Variants in ADAM23 observed in about 807,000 individuals in gnomAD.
The protein encoded by ADAM23 is disintegrin and metalloproteinase domain-containing protein 23.
In ADAM23, 33 loss-of-function variants were observed where a neutral mutation model predicts 120.1. The observed-to-expected ratio is 0.27, with a 90% CI of 0.21 to 0.37. The LOEUF (loss-of-function observed/expected upper bound fraction) is 0.37, where lower values mean the gene tolerates loss of function less well. Ranked by LOEUF, ADAM23 falls within the 10% of genes least tolerant of loss-of-function variation. ADAM23 has a pLI of 1.00. For synonymous variants in ADAM23, 367 were observed against 375.2 expected (o/e 0.98, Z 0.25); for missense variants, 862 against 1,058.2 (o/e 0.81, Z 2.57).
At chr2:206,478,507 T>TATGATGATGATGATG (rs58463126) in intron 2 of ADAM23, among the ~76,000 whole-genome samples, 1 of 150,416 alleles carries the variant, frequency 6.6e-6, no homozygotes, top group Non-Finnish European at 1.5e-5. Flanking sequence ...ATCATAATGA[T>TATGATGATGATGATG]ATGATGATGA....
chr2:206,487,514 T>C (rs1439464462), intron 3 of ADAM23, among the ~76,000 whole-genome samples: 1 of 152,174 alleles, frequency 6.6e-6, no homozygotes, highest in Non-Finnish European at 1.5e-5. Flanking sequence ...TTGGTACTTG[T>C]CCAGTTTTCC....
rs56206262 is a variant in ADAM23 at position 206,530,669 on chromosome 2, CTTTTT to C, written c.510-198_510-194del. Among the ~76,000 whole-genome samples, 18 of 74,812 alleles carry C rather than the reference CTTTTT, an allele frequency of 2.4e-4. No homozygotes were observed. The South Asian group carries it at 6.3e-3, about 26-fold the overall frequency. The allele number at this position is 74,812 out of a possible 152,430, so 49.1% of individuals were successfully genotyped here. ...CACCGTTGGATTGTCTGTGTCTTGT[CTTTTT>C]TTTTTTTTTTTTTTTTTCTGCAGAT... On this transcript the variant is annotated intron_variant, in intron 3 of 25. Coordinates refer to ENST00000264377, the MANE Select transcript of ADAM23 (RefSeq NM_003812.4).
intron 2 of ADAM23, among the ~76,000 whole-genome samples, chr2:206,469,907 A>G (rs1695618550): frequency 6.6e-6 from 1 of 152,228 alleles, no homozygotes; most frequent in Non-Finnish European, 1.5e-5. Context: ...TTGCTCAAAT[A>G]TCAGCTTTTC....
chr2:206,474,756 A>G (rs1240778360), intron 2 of ADAM23, among the ~76,000 whole-genome samples: 1 of 151,808 alleles, frequency 6.6e-6, no homozygotes, highest in Non-Finnish European at 1.5e-5. Context: ...TGTATTTTTC[A>G]TAGAGGCAGG....
intron 2 of ADAM23, among the ~76,000 whole-genome samples, chr2:206,455,997 G>A (rs1274708104): frequency 1.3e-5 from 2 of 152,086 alleles, no homozygotes; most frequent in Non-Finnish European, 2.9e-5. Context: ...CAGTTCCAAA[G>A]GCGCTTCCAC....
chr2:206,610,099 TGTCA>T, intron 25 of ADAM23, 99 bp downstream of exon 25: 4 of 1,105,886 alleles, frequency 3.6e-6, no homozygotes, highest in East Asian at 6.3e-5. Context: ...GCTTAGGTTC[TGTCA>T]GTCAAACTGC....
intron 3 of ADAM23, among the ~76,000 whole-genome samples, chr2:206,487,389 GA>G (rs1018476173): frequency 7.9e-5 from 12 of 151,218 alleles, no homozygotes; most frequent in East Asian, 1.9e-4. Context: ...GTCGGCTGAA[GA>G]AAAAAAAATG....
At chr2:206,499,087 ATGATT>A (rs1446844409) in intron 3 of ADAM23, among the ~76,000 whole-genome samples, 1 of 151,928 alleles carries the variant, frequency 6.6e-6, no homozygotes, top group African/African-American at 2.4e-5. Flanking sequence ...AGTCAGTGTG[ATGATT>A]CCTCAGGGAT....
rs540017139 is a variant in ADAM23, at chr2:206,486,418, A to G, written c.509+5110A>G. On this transcript the variant is annotated intron_variant, in intron 3 of 25. Coordinates refer to ENST00000264377, the MANE Select transcript of ADAM23 (RefSeq NM_003812.4). ...TTATTATCCACTTTATTGAGGTATGATTGATGTTAGAGCAACAATTCTTAA... is the reference window on the plus strand; with the variant it reads ...TTATTATCCACTTTATTGAGGTATGGTTGATGTTAGAGCAACAATTCTTAA... Among the ~76,000 whole-genome samples the G allele has an allele frequency of 2.7e-5, 4 of 150,922 alleles. No homozygotes were observed. The East Asian group carries it at 5.9e-4, about 22-fold the overall frequency.
At chr2:206,520,076 A>G (rs1696813148) in intron 3 of ADAM23, among the ~76,000 whole-genome samples, 1 of 152,172 alleles carries the variant, frequency 6.6e-6, no homozygotes, top group South Asian at 2.1e-4. Context: ...TGTTATATGT[A>G]TGAAGGGTAC....
intron 24 of ADAM23, among the ~76,000 whole-genome samples, chr2:206,604,207 A>G (rs1171699863): frequency 6.6e-6 from 1 of 152,200 alleles, no homozygotes; most frequent in African/African-American, 2.4e-5. Context: ...CAGAGGTTGC[A>G]GTGAGCTGAG....
intron 3 of ADAM23, among the ~76,000 whole-genome samples, chr2:206,502,332 G>T (rs1696404928): frequency 6.6e-6 from 1 of 152,018 alleles, no homozygotes; most frequent in African/African-American, 2.4e-5. Flanking sequence ...TTACCTATGA[G>T]CCAGCAGAAA....
intron 2 of ADAM23, among the ~76,000 whole-genome samples, chr2:206,452,343 C>T (rs1695212912): frequency 1.3e-5 from 2 of 152,224 alleles, no homozygotes; most frequent in Non-Finnish European, 2.9e-5. Context: ...TACAGCTGAG[C>T]TGTGCTGTTG....
intron 2 of ADAM23, among the ~76,000 whole-genome samples, chr2:206,459,346 A>G (rs1266348703): frequency 6.6e-6 from 1 of 152,210 alleles, no homozygotes; most frequent in East Asian, 1.9e-4. Flanking sequence ...AACTATAACT[A>G]TATCCTTATT....
intron 18 of ADAM23, among the ~76,000 whole-genome samples, chr2:206,581,629 T>A (rs1444385968): frequency 6.6e-6 from 1 of 152,224 alleles, no homozygotes; most frequent in African/African-American, 2.4e-5. Context: ...GAGGCTTGTT[T>A]TATGGCCTAT....
chr2:206,527,358 T>G (rs1322878825), intron 3 of ADAM23, among the ~76,000 whole-genome samples: 1 of 152,176 alleles, frequency 6.6e-6, no homozygotes, highest in East Asian at 1.9e-4. Flanking sequence ...TGTGGAGACA[T>G]AGATTACCGG....
intron 3 of ADAM23, among the ~76,000 whole-genome samples, chr2:206,485,577 G>GTTCC (rs2105881329): frequency 6.6e-6 from 1 of 151,352 alleles, no homozygotes; most frequent in Admixed American, 6.5e-5. Flanking sequence ...TTCCTGAGAG[G>GTTCC]AGAGCCTGGT....
rs10206260 is a variant in ADAM23, at chr2:206,499,209, T to C, written c.509+17901T>C. ...GACACATGCACACGTATGTTTATTG[T>C]GGCACTATTCACAATAGCAAAGACT... On this transcript the variant is annotated intron_variant, in intron 3 of 25. Coordinates refer to ENST00000264377, the MANE Select transcript of ADAM23 (RefSeq NM_003812.4). Among the ~76,000 whole-genome samples the C allele has an allele frequency of 3.7e-3, 564 of 151,944 alleles. 2 individuals carry two copies. Among genetic ancestry groups the C allele is most frequent in the African/African-American group, 0.013 (538 of 41,422 alleles).
intron 17 of ADAM23, 93 bp from the exon 18 acceptor site, chr2:206,573,022 A>G: frequency 8.1e-7 from 1 of 1,238,762 alleles, no homozygotes; most frequent in Non-Finnish European, 1.2e-6. Context: ...TAGTTATGCG[A>G]GAGTATAGGC....
Sources: allele counts gnomAD v4.1 joint callset (sites outside exome capture counted in the v4.1 genomes callset), GRCh38; gene constraint gnomAD v4.1.1; transcripts MANE v1.5; gene names NCBI Gene and HGNC (gene_info 2026-07-23, HGNC 2026-07-21).